Variants in DPP10 observed in about 807,000 individuals in gnomAD.
DPP10 encodes dipeptidyl peptidase like 10.
A neutral mutation model predicts 120.9 loss-of-function variants in DPP10; 33 were observed. The ratio of observed to expected loss-of-function variants is 0.27; its 90% CI spans 0.21 to 0.37. The LOEUF is 0.37. DPP10 is among the 10% of genes least tolerant of loss of function. The probability of loss-of-function intolerance (pLI) is 1.00; values close to 1 mark genes in which losing one functional copy is unlikely to be tolerated. For missense variants in DPP10, 816 were observed against 942.8 expected (o/e 0.87, Z 1.76); for synonymous variants, 337 against 326.1 (o/e 1.03, Z -0.36).
intron 8 of DPP10, among the ~76,000 whole-genome samples, chr2:115,735,876 C>T (rs1676429612): frequency 1.3e-5 from 2 of 151,792 alleles, no homozygotes; most frequent in African/African-American, 2.4e-5. Flanking sequence ...AGTTTTCCAT[C>T]GACCAGTACT....
At chr2:115,161,693 G>C (rs141265455) in intron 1 of DPP10, 26,489 of 362,712 alleles carry the variant, frequency 0.073, 2,085 homozygotes, top group East Asian at 0.37. Context: ...TCGCCTCGCC[G>C]CCGCGGCTCG....
intron 1 of DPP10, among the ~76,000 whole-genome samples, chr2:115,122,997 G>A (rs1211477271): frequency 6.6e-6 from 1 of 152,154 alleles, no homozygotes; most frequent in African/African-American, 2.4e-5. Context: ...ATGTACAGGG[G>A]TTGTACGCCC....
At chr2:114,998,514 A>G (rs1237545478) in intron 1 of DPP10, among the ~76,000 whole-genome samples, 4 of 152,226 alleles carry the variant, frequency 2.6e-5, no homozygotes, top group African/African-American at 9.6e-5. Flanking sequence ...GGGCAGCAAT[A>G]TACTTAGGCC....
chr2:115,322,497 C>T (rs907274296), intron 2 of DPP10, among the ~76,000 whole-genome samples: 2 of 152,108 alleles, frequency 1.3e-5, no homozygotes, highest in Admixed American at 1.3e-4. Flanking sequence ...AACACTTAGC[C>T]AGCCCATTTA....
intron 21 of DPP10, among the ~76,000 whole-genome samples, chr2:115,831,172 C>T (rs2150099743): frequency 6.6e-6 from 1 of 152,276 alleles, no homozygotes; most frequent in Middle Eastern, 3.4e-3. Flanking sequence ...CCAATTAATT[C>T]ATTGTGTACC....
At chr2:114,563,813 C>T (rs934623835) in intron 1 of DPP10, among the ~76,000 whole-genome samples, 2 of 152,172 alleles carry the variant, frequency 1.3e-5, no homozygotes, top group Non-Finnish European at 2.9e-5. Flanking sequence ...GACAAAGGCA[C>T]AAAGTGAGGA....
At chr2:115,234,251 T>A (rs1399997159) in intron 1 of DPP10, among the ~76,000 whole-genome samples, 1 of 152,162 alleles carries the variant, frequency 6.6e-6, no homozygotes, top group Non-Finnish European at 1.5e-5. Context: ...AATAGTAAAC[T>A]CAGCATTCAC....
At chr2:115,498,910 G>T (rs1334088624) in intron 3 of DPP10, among the ~76,000 whole-genome samples, 1 of 151,922 alleles carries the variant, frequency 6.6e-6, no homozygotes, top group African/African-American at 2.4e-5. Flanking sequence ...TTCTTCTAGA[G>T]TTGAAAAAGT....
At chr2:114,816,299 A>G (rs1277372920) in intron 1 of DPP10, among the ~76,000 whole-genome samples, 1 of 152,220 alleles carries the variant, frequency 6.6e-6, no homozygotes, top group East Asian at 1.9e-4. Flanking sequence ...GGTTTCTGTC[A>G]CAACTACTCA....
chr2:115,813,171 C>CG (rs1358607932), intron 19 of DPP10, among the ~76,000 whole-genome samples: 2 of 151,510 alleles, frequency 1.3e-5, no homozygotes, highest in Admixed American at 1.3e-4. Context: ...TTAGTAGAGA[C>CG]GGGGTTTCAC....
intron 2 of DPP10, among the ~76,000 whole-genome samples, chr2:115,328,099 G>C (rs2062472232): frequency 6.6e-6 from 1 of 151,960 alleles, no homozygotes; most frequent in African/African-American, 2.4e-5. Context: ...ATAAAAATTT[G>C]GTCATGGTAA....
intron 1 of DPP10, among the ~76,000 whole-genome samples, chr2:114,914,548 C>G (rs1365185936): frequency 3.3e-5 from 5 of 152,110 alleles, no homozygotes; most frequent in African/African-American, 4.8e-5. Flanking sequence ...ACAAGAAGCC[C>G]TTAAGGGAGT....
chr2:115,424,031 T>G (rs571344653), intron 3 of DPP10, among the ~76,000 whole-genome samples: 1 of 152,270 alleles, frequency 6.6e-6, no homozygotes, highest in African/African-American at 2.4e-5. Context: ...CCAGAATTGT[T>G]GTTGGAATCT....
At chr2:115,186,561 G>A (rs2054454646) in intron 1 of DPP10, among the ~76,000 whole-genome samples, 1 of 152,210 alleles carries the variant, frequency 6.6e-6, no homozygotes, top group Admixed American at 6.5e-5. Flanking sequence ...GACCTAAAAT[G>A]TGAACAGCAG....
intron 2 of DPP10, among the ~76,000 whole-genome samples, chr2:115,333,216 G>T (rs181480756): frequency 8.8e-4 from 134 of 152,198 alleles, no homozygotes; most frequent in Non-Finnish European, 1.6e-3. Flanking sequence ...TTGGTTTAAA[G>T]TCTGTTTTAT....
intron 3 of DPP10, among the ~76,000 whole-genome samples, chr2:115,376,436 T>C (rs1242309997): frequency 6.6e-6 from 1 of 151,258 alleles, no homozygotes; most frequent in African/African-American, 2.4e-5. Flanking sequence ...AGGGATAATC[T>C]TTTTTTTTCC....
chr2:115,301,331 C>T (rs1288951643), intron 1 of DPP10, among the ~76,000 whole-genome samples: 1 of 151,866 alleles, frequency 6.6e-6, no homozygotes, highest in Non-Finnish European at 1.5e-5. Flanking sequence ...ACTATATATT[C>T]ATTTTCGTCT....
At chr2:115,191,647 C>T (rs979998723) in intron 1 of DPP10, among the ~76,000 whole-genome samples, 4 of 152,108 alleles carry the variant, frequency 2.6e-5, no homozygotes, top group African/African-American at 7.2e-5. Flanking sequence ...TGGGAGGGGG[C>T]GGCGCTTTCT....
chr2:114,744,297 G>A (rs1170056281), intron 1 of DPP10, among the ~76,000 whole-genome samples: 1 of 152,182 alleles, frequency 6.6e-6, no homozygotes, highest in Non-Finnish European at 1.5e-5. Flanking sequence ...CTGTAAAAAG[G>A]CACACACAAA....
Sources: gnomAD v4.1 joint callset for allele counts (sites outside exome capture counted in the v4.1 genomes callset) on GRCh38, gnomAD v4.1.1 for gene constraint, MANE v1.5 for transcripts, NCBI Gene and HGNC (gene_info 2026-07-23, HGNC 2026-07-21) for gene names.